Variants in ADARB2 observed in about 807,000 individuals in gnomAD.
The protein encoded by ADARB2 is inactive double-stranded RNA-specific editase B2.
In ADARB2, 25 loss-of-function variants were observed where a neutral mutation model predicts 62.2. The ratio of observed to expected loss-of-function variants is 0.40; its 90% confidence interval spans 0.29 to 0.56. ADARB2 has a LOEUF of 0.56. Among genes scored for constraint, ADARB2 ranks in the 20% least tolerant of loss-of-function variants. The pLI is 0.43. For missense variants in ADARB2, 1,071 were observed against 1,077.4 expected (o/e 0.99, Z 0.08); for synonymous variants, 572 against 500.8 (o/e 1.14, Z -1.90).
chr10:1,679,623 T>C (rs1313539008), intron 1 of ADARB2, among the ~76,000 whole-genome samples: 1 of 152,140 alleles, frequency 6.6e-6, no homozygotes, highest in African/African-American at 2.4e-5. Context: ...ATTATGGCCA[T>C]GGTGGGAAGA....
intron 1 of ADARB2, among the ~76,000 whole-genome samples, chr10:1,438,503 GGA>G (rs1830860828): frequency 4.3e-5 from 5 of 117,638 alleles, no homozygotes; most frequent in African/African-American, 9.8e-5. Flanking sequence ...AGTCTCCCCA[GGA>G]CAGAGGCAGG....
At position 1,179,934 on chromosome 10, in the gene ADARB2, TGTGTC is replaced by T. The variant is rs1418390842; in HGVS notation, c.*3254_*3258del. 2 of 151,894 alleles carry T rather than the reference TGTGTC, an allele frequency of 1.3e-5. No individual in the cohort carries two copies. The highest frequency in any genetic ancestry group is 2.4e-5 in the African/African-American group (1 of 41,194). 9.4% of individuals were successfully genotyped at this position (151,894 alleles called of 1,614,324 possible). A position where few individuals can be genotyped will look rare whatever the true frequency, so the allele number is the denominator to read the frequency against. On this transcript the variant is annotated 3_prime_UTR_variant, in exon 10 of 10. Coordinates refer to ENST00000381312, the MANE Select transcript of ADARB2 (RefSeq NM_018702.4). The stretch of plus-strand genomic sequence containing the variant: ...GACAGAAAGTGACCCATCCCCTACT[TGTGTC>T]GTGCCCAGCGTATTTTCAGGGTGAC...
chr10:1,724,922 G>A (rs752757911), intron 1 of ADARB2, among the ~76,000 whole-genome samples: 1 of 152,228 alleles, frequency 6.6e-6, no homozygotes, highest in Non-Finnish European at 1.5e-5. Flanking sequence ...AAATGTCACT[G>A]CCTTGTAGTG....
At chr10:1,552,535 C>T (rs557474878) in intron 1 of ADARB2, among the ~76,000 whole-genome samples, 59 of 152,254 alleles carry the variant, frequency 3.9e-4, no homozygotes, top group African/African-American at 1.1e-3. Flanking sequence ...CTGCCAAGGT[C>T]GGCTTCAGGG....
At chr10:1,264,256 C>T (rs1045555988) in intron 4 of ADARB2, among the ~76,000 whole-genome samples, 11 of 152,168 alleles carry the variant, frequency 7.2e-5, no homozygotes, top group African/African-American at 2.2e-4. Flanking sequence ...AGCTTATCTT[C>T]CTCATGCCCG....
At chr10:1,421,023 A>G (rs1832848278) in intron 1 of ADARB2, among the ~76,000 whole-genome samples, 1 of 151,656 alleles carries the variant, frequency 6.6e-6, no homozygotes, top group South Asian at 2.1e-4. Flanking sequence ...CTCTCCATCT[A>G]GTGTGTTTGT....
intron 1 of ADARB2, among the ~76,000 whole-genome samples, chr10:1,533,928 T>C (rs1169919511): frequency 6.6e-6 from 1 of 152,080 alleles, no homozygotes; most frequent in African/African-American, 2.4e-5. Context: ...TTAGGAATAT[T>C]TTTGTAAATA....
chr10:1,270,024 C>A (rs1008413637), intron 4 of ADARB2, among the ~76,000 whole-genome samples: 7 of 152,180 alleles, frequency 4.6e-5, no homozygotes, highest in African/African-American at 1.7e-4. Context: ...TCTTACCCAG[C>A]TACATTGTAA....
At chr10:1,632,553 T>C (rs1833856016) in intron 1 of ADARB2, among the ~76,000 whole-genome samples, 1 of 152,234 alleles carries the variant, frequency 6.6e-6, no homozygotes, top group Non-Finnish European at 1.5e-5. Context: ...GGCTGTGGGC[T>C]GAGTTGTGGC....
chr10:1,258,653 A>G (rs199655910), intron 4 of ADARB2, among the ~76,000 whole-genome samples: 1 of 152,186 alleles, frequency 6.6e-6, no homozygotes, highest in Admixed American at 6.5e-5. Context: ...CATAAAGCAA[A>G]TCCTTAGTGA....
At chr10:1,515,098 G>C (rs1456117526) in intron 1 of ADARB2, among the ~76,000 whole-genome samples, 1 of 152,226 alleles carries the variant, frequency 6.6e-6, no homozygotes, top group Non-Finnish European at 1.5e-5. Context: ...AGGCTTTGCA[G>C]AAGACCTGTT....
intron 4 of ADARB2, among the ~76,000 whole-genome samples, chr10:1,254,522 C>T (rs1394583035): frequency 2.0e-5 from 3 of 152,214 alleles, no homozygotes; most frequent in South Asian, 2.1e-4. Context: ...TCCTACAAAT[C>T]GAGAACCCCA....
At chr10:1,281,506 G>A (rs1478955132) in intron 3 of ADARB2, among the ~76,000 whole-genome samples, 2 of 152,234 alleles carry the variant, frequency 1.3e-5, no homozygotes, top group Non-Finnish European at 2.9e-5. Flanking sequence ...GGATTGGATA[G>A]CTCCAGCACT....
chr10:1,242,758 C>A (rs944750320), intron 4 of ADARB2, among the ~76,000 whole-genome samples: 1 of 151,996 alleles, frequency 6.6e-6, no homozygotes, highest in East Asian at 1.9e-4. Flanking sequence ...GAACCCTTCA[C>A]CCTAACACAG....
chr10:1,415,489 A>G (rs941665843), intron 1 of ADARB2, among the ~76,000 whole-genome samples: 10 of 55,292 alleles, frequency 1.8e-4, no homozygotes, highest in South Asian at 9.4e-4. Context: ...TTGATACATG[A>G]GTTGGCCAGA....
At chr10:1,239,473 T>C (rs1475221574) in intron 5 of ADARB2, among the ~76,000 whole-genome samples, 2 of 462 alleles carry the variant, frequency 4.3e-3, no homozygotes, top group Admixed American at 0.02. Flanking sequence ...TCCCGGTGTT[T>C]ACTCCCCTCT....
At chr10:1,261,686 T>C (rs1290019933) in intron 4 of ADARB2, among the ~76,000 whole-genome samples, 2 of 149,850 alleles carry the variant, frequency 1.3e-5, no homozygotes, top group Non-Finnish European at 2.9e-5. Flanking sequence ...ACTTTTACAC[T>C]GTTGGTGGGA....
chr10:1,284,396 G>A (rs1589177556), intron 3 of ADARB2, among the ~76,000 whole-genome samples: 2 of 152,146 alleles, frequency 1.3e-5, no homozygotes, highest in Admixed American at 6.5e-5. Context: ...CTAGATGTAA[G>A]GTGAATTATG....
At chr10:1,715,263 T>C (rs1835003773) in intron 1 of ADARB2, among the ~76,000 whole-genome samples, 1 of 152,124 alleles carries the variant, frequency 6.6e-6, no homozygotes, top group Admixed American at 6.5e-5. Context: ...AGTCTTATTA[T>C]CCCCAGATTT....
Sources: allele counts gnomAD v4.1 joint callset (sites outside exome capture counted in the v4.1 genomes callset), GRCh38; gene constraint gnomAD v4.1.1; transcripts MANE v1.5; gene names NCBI Gene and HGNC (gene_info 2026-07-23, HGNC 2026-07-21).